Variants in FANCD2 observed in about 807,000 individuals in gnomAD.
FANCD2 encodes the protein FA complementation group D2.
Under a neutral mutation model 192.3 loss-of-function variants are expected in FANCD2, and 131 were observed. That is an observed-to-expected ratio of 0.68 (90% CI 0.59 to 0.79). The LOEUF (loss-of-function observed/expected upper bound fraction) is 0.79, where lower values mean the gene tolerates loss of function less well. FANCD2 is among the 30% of genes least tolerant of loss of function. The pLI is 0.00. For synonymous variants in FANCD2, 524 were observed against 612.5 expected (o/e 0.86, Z 2.13); for missense variants, 1,508 against 1,701.6 (o/e 0.89, Z 2.00).
chr3:10,055,052 CCTT>C (rs2087369170), intron 18 of FANCD2, among the ~76,000 whole-genome samples: 1 of 152,052 alleles, frequency 6.6e-6, no homozygotes, highest in Non-Finnish European at 1.5e-5. Flanking sequence ...GTTTCCTTTC[CCTT>C]CTTGTTCTAC....
chr3:10,092,344 C>T lies in FANCD2; in HGVS notation c.3849+92C>T, dbSNP rs1279862316. The T allele has an allele frequency of 5.0e-5, 48 of 962,198 alleles. No homozygotes were observed. In the Admixed American group the frequency reaches 8.1e-4, roughly 16 times the overall value. 59.6% of individuals were successfully genotyped at this position (962,198 alleles called of 1,614,324 possible). A position where few individuals can be genotyped will look rare whatever the true frequency, so the allele number is the denominator to read the frequency against. ...AAATGGACTTTCCTTGCTCCTCTTC[C>T]CACTCTTCCTTGGGGCCTGCTCTCC... On this transcript the variant is annotated intron_variant, in intron 38 of 43. Transcript: ENST00000675286.
intron 42 of FANCD2, among the ~76,000 whole-genome samples, chr3:10,097,430 GT>G (rs1695038590): frequency 6.6e-6 from 1 of 152,184 alleles, no homozygotes; most frequent in Admixed American, 6.5e-5. Context: ...CTACCCCTAG[GT>G]GTGCATTCTC....
At chr3:10,066,085 C>G (rs1318601484) in intron 25 of FANCD2, 106 bp downstream of exon 25, 1 of 729,416 alleles carries the variant, frequency 1.4e-6, no homozygotes, top group Non-Finnish European at 2.4e-6. Flanking sequence ...AGCACTAACC[C>G]CCGTGTGCTT....
rs756898495 is a variant in FANCD2, at chr3:10,064,728, G to A, written c.2022-1G>A. ...CATCAGATTCTGGTTTTTCTCCGCA[G>A]TGACTTTCCATTTCCTGTGAAAGCA... On this transcript the variant is annotated splice_acceptor_variant, in intron 22 of 43. Coordinates refer to ENST00000675286, the MANE Select transcript of FANCD2 (RefSeq NM_001018115.3). LOFTEE classifies it high-confidence loss of function. 1 of 1,614,194 alleles carries A rather than the reference G, an allele frequency of 6.2e-7. No individual in the cohort carries two copies. Among genetic ancestry groups the A allele is most frequent in the Admixed American group, 1.7e-5 (1 of 60,022 alleles).
intron 14 of FANCD2, 103 bp from the exon 15 acceptor site, chr3:10,046,477 T>A: frequency 1.9e-6 from 3 of 1,557,656 alleles, no homozygotes; most frequent in Non-Finnish European, 8.7e-7. Flanking sequence ...AAATGAGCAT[T>A]ATCCATTCTG....
intron 19 of FANCD2, 24 bp from the exon 20 acceptor site, chr3:10,062,127 T>TA (rs34177396): frequency 5.9e-5 from 93 of 1,565,504 alleles, no homozygotes; most frequent in East Asian, 1.9e-4. Flanking sequence ...AATAATAATT[T>TA]AAAAAAAAAT....
chr3:10,071,372 C>T (rs560556160), intron 26 of FANCD2, among the ~76,000 whole-genome samples: 2 of 151,888 alleles, frequency 1.3e-5, no homozygotes, highest in South Asian at 4.2e-4. Context: ...ATCAGTATAC[C>T]AAGGAGATAT....
chr3:10,067,210 TTG>T lies in FANCD2; in HGVS notation c.2389_2390del (p.Val797LysfsTer10). Reference sequence around the variant, plus strand: ...GAGAATGTAATTTGTACTTTGCAGATTGTAAATGCCTTCTGCCAGGAAACATC... The same window carrying T: ...GAGAATGTAATTTGTACTTTGCAGATTAAATGCCTTCTGCCAGGAAACATC... On this transcript the variant is annotated frameshift_variant and splice_region_variant, in exon 26 of 44. Coordinates refer to ENST00000675286, the MANE Select transcript of FANCD2 (RefSeq NM_001018115.3). LOFTEE classifies it high-confidence loss of function. 6.3e-7 allele frequency: 1 copy of T among 1,597,284 alleles called. No individual in the cohort carries two copies.
rs145051158 is a variant in FANCD2, at chr3:10,031,786, C to T, written c.65-1046C>T. 8.1e-3 allele frequency among the ~76,000 whole-genome samples: 1,232 copies of T among 152,230 alleles called. 18 individuals carry two copies. The highest frequency in any genetic ancestry group is 0.028 in the African/African-American group (1,153 of 41,540). ...TATTATCTGAAGAACATAAAAAATT[C>T]GGATTCCTAGGTCCCATTCCCAAGA... On this transcript the variant is annotated intron_variant, in intron 2 of 43. Coordinates refer to ENST00000675286, the MANE Select transcript of FANCD2 (RefSeq NM_001018115.3).
At chr3:10,054,358 T>TAC (rs1395020990) in intron 18 of FANCD2, among the ~76,000 whole-genome samples, 3 of 123,928 alleles carry the variant, frequency 2.4e-5, no homozygotes, top group African/African-American at 1.1e-4. Flanking sequence ...TATACGTATA[T>TAC]ATATATATAC....
chr3:10,073,443 T>C (rs1693362903), intron 28 of FANCD2, 81 bp downstream of exon 28: 1 of 1,142,684 alleles, frequency 8.8e-7, no homozygotes, highest in Non-Finnish European at 1.3e-6. Flanking sequence ...CTCGGCATTT[T>C]ACAAAGAAAA....
chr3:10,080,196 A>G (rs960191087), intron 30 of FANCD2, among the ~76,000 whole-genome samples: 5 of 151,850 alleles, frequency 3.3e-5, no homozygotes, highest in African/African-American at 1.2e-4. Context: ...TACAGGCAAG[A>G]GCTACAGTGC....
chr3:10,047,350 TA>T (rs2087051507), intron 15 of FANCD2, among the ~76,000 whole-genome samples: 1 of 152,300 alleles, frequency 6.6e-6, no homozygotes, highest in African/African-American at 2.4e-5. Context: ...TTTTCCCCAA[TA>T]AAGCATTATA....
Position 10,080,506 on chromosome 3 carries a change from C to T in FANCD2, c.2977-594C>T, listed in dbSNP as rs567701848. Among the ~76,000 whole-genome samples, 113 of 152,360 alleles carry T rather than the reference C, an allele frequency of 7.4e-4. 1 individual carries two copies. In the South Asian group the frequency reaches 0.022, roughly 30 times the overall value. The stretch of plus-strand genomic sequence containing the variant: ...AATAGGGAGGCAGGGCACAGTGGCT[C>T]ACGCCTTTAACCCCAACACTTTGGG... On this transcript the variant is annotated intron_variant, in intron 30 of 43. Transcript: ENST00000675286.
chr3:10,030,423 CA>C (rs1471003929), intron 2 of FANCD2, among the ~76,000 whole-genome samples: 1 of 152,064 alleles, frequency 6.6e-6, no homozygotes, highest in Non-Finnish European at 1.5e-5. Flanking sequence ...AATGCCTTTG[CA>C]TTCTCATAGC....
rs368999017 is a variant in FANCD2, at chr3:10,090,390, G to A, written c.3777+5G>A. 6.6e-7 allele frequency: 1 copy of A among 1,515,332 alleles called. No individual in the cohort carries two copies. Among genetic ancestry groups the A allele is most frequent in the Non-Finnish European group, 9.0e-7 (1 of 1,114,344 alleles). 93.9% of individuals were successfully genotyped at this position (1,515,332 alleles called of 1,614,324 possible). On this transcript the variant is annotated splice_donor_5th_base_variant and intron_variant, in intron 37 of 43. Transcript: ENST00000675286. ...ACAGCAGCAGACTCGCAGCAGGTGA[G>A]TAAGATAATAGTCACTTCAAGAAGT... is the stretch of plus-strand genomic sequence containing the variant.
chr3:10,071,053 C>T (rs1452865739), intron 26 of FANCD2, among the ~76,000 whole-genome samples: 75 of 144,372 alleles, frequency 5.2e-4, no homozygotes, highest in Non-Finnish European at 5.6e-4. Context: ...GTTTATCTGC[C>T]GACCTTCCCT....
intron 36 of FANCD2, 33 bp from the exon 37 acceptor site, chr3:10,090,258 TG>T: frequency 1.3e-6 from 2 of 1,496,622 alleles, no homozygotes; most frequent in South Asian, 1.1e-5. Flanking sequence ...CAGTGCATCA[TG>T]GTGTGGGCAC....
chr3:10,040,815 C>A (rs981317111), intron 9 of FANCD2: 26 of 319,126 alleles, frequency 8.1e-5, no homozygotes, highest in African/African-American at 5.8e-4. Context: ...CAGGATGCTC[C>A]TTCTGGGCAA....
Sources: allele counts gnomAD v4.1 joint callset (sites outside exome capture counted in the v4.1 genomes callset), GRCh38; gene constraint gnomAD v4.1.1; transcripts MANE v1.5; gene names NCBI Gene and HGNC (gene_info 2026-07-23, HGNC 2026-07-21).